SH3D19: variants seen among roughly 807,000 people sequenced by gnomAD.
The protein encoded by SH3D19 is SH3 domain-containing protein 19.
A neutral mutation model predicts 112.1 loss-of-function variants in SH3D19; 58 were observed. The ratio of observed to expected loss-of-function variants is 0.52; its 90% CI spans 0.42 to 0.64. The LOEUF (loss-of-function observed/expected upper bound fraction) is 0.64. Ranked by LOEUF, SH3D19 falls within the 30% of genes least tolerant of loss-of-function variation. The pLI is 0.00. For synonymous variants in SH3D19, 391 were observed against 448.5 expected (o/e 0.87, Z 1.62); for missense variants, 1,090 against 1,263.4 (o/e 0.86, Z 2.08).
At chr4:151,127,004 G>A (rs573070467) in intron 19 of SH3D19, among the ~76,000 whole-genome samples, 49 of 151,294 alleles carry the variant, frequency 3.2e-4, no homozygotes, top group African/African-American at 1.2e-3. Context: ...CCACCTCCCG[G>A]GTTCATGCCA....
intron 9 of SH3D19, among the ~76,000 whole-genome samples, chr4:151,150,206 A>AAAAAAATAT (rs1273707426): frequency 9.1e-4 from 42 of 46,142 alleles, no homozygotes; most frequent in Non-Finnish European, 1.1e-3. Context: ...AAAAAAAAAA[A>AAAAAAATAT]ATATATATAT....
rs531866009 is a variant in SH3D19, at chr4:151,174,693, G to T, written c.1511C>A (p.Ser504Tyr). 1 of 1,514,054 alleles carries T rather than the reference G, an allele frequency of 6.6e-7. No homozygotes were observed. Among genetic ancestry groups the T allele is most frequent in the South Asian group, 1.4e-5 (1 of 73,542 alleles). The allele number at this position is 1,514,054 out of a possible 1,614,324, so 93.8% of individuals were successfully genotyped here. A position where few individuals can be genotyped will look rare whatever the true frequency, so the allele number is the denominator to read the frequency against. Residue 504 changes from serine to tyrosine, a missense_variant, in exon 7 of 20, where the codon TCT becomes TAT. By Grantham distance (144) the Ser-to-Tyr change is moderately radical. Coordinates refer to ENST00000604030, the MANE Select transcript of SH3D19 (RefSeq NM_001378122.1). The stretch of plus-strand genomic sequence containing the variant: ...ACCTAGAACCATCTCTGAACCAACA[G>T]ATTCTTCAGCCAGGTTCCCCGATGG... ...PTPSGNLAEE[S>Y]VGSEMVLDPF...
intron 19 of SH3D19, among the ~76,000 whole-genome samples, chr4:151,123,343 A>G (rs971148061): frequency 4.6e-5 from 7 of 152,090 alleles, no homozygotes; most frequent in African/African-American, 1.7e-4. Flanking sequence ...TTTTACTTAG[A>G]AAGGCTTTTA....
chr4:151,182,555 C>A (rs1761123072), intron 3 of SH3D19, among the ~76,000 whole-genome samples: 1 of 152,202 alleles, frequency 6.6e-6, no homozygotes, highest in Non-Finnish European at 1.5e-5. Context: ...AGATGTCCTT[C>A]TGCACAACCT....
intron 17 of SH3D19, among the ~76,000 whole-genome samples, chr4:151,130,817 G>A (rs1750510963): frequency 6.6e-6 from 1 of 151,996 alleles, no homozygotes; most frequent in Non-Finnish European, 1.5e-5. Context: ...GCAGGCACCT[G>A]TAAACCCAGC....
At chr4:151,127,992 C>T (rs1561190837) in intron 18 of SH3D19, among the ~76,000 whole-genome samples, 178 bp downstream of exon 18, 1 of 152,102 alleles carries the variant, frequency 6.6e-6, no homozygotes, top group African/African-American at 2.4e-5. Flanking sequence ...AAGACATTAT[C>T]TTTTTTTTCT....
intron 3 of SH3D19, among the ~76,000 whole-genome samples, chr4:151,184,529 A>G (rs1163772360): frequency 1.3e-5 from 2 of 152,148 alleles, no homozygotes; most frequent in Non-Finnish European, 2.9e-5. Flanking sequence ...TGAGTTAAAA[A>G]CCAAAAAAAC....
chr4:151,286,418 C>T (rs570326479), intron 1 of SH3D19, among the ~76,000 whole-genome samples: 14 of 150,460 alleles, frequency 9.3e-5, no homozygotes, highest in African/African-American at 3.4e-4. Context: ...ACATTACTAC[C>T]AACCTTACAG....
At chr4:151,247,305 G>A (rs548490138) in intron 1 of SH3D19, among the ~76,000 whole-genome samples, 1 of 152,254 alleles carries the variant, frequency 6.6e-6, no homozygotes, top group South Asian at 2.1e-4. Context: ...TTCTAGAACA[G>A]TTAAAATAGC....
intron 1 of SH3D19, chr4:151,291,381 T>C (rs773560623): frequency 5.1e-5 from 83 of 1,613,926 alleles, no homozygotes; most frequent in Non-Finnish European, 6.9e-5. Context: ...GAGTAGGCAC[T>C]GTAGCTGAAG....
chr4:151,250,437 T>C (rs1771275504), intron 1 of SH3D19, among the ~76,000 whole-genome samples: 1 of 152,142 alleles, frequency 6.6e-6, no homozygotes, highest in Non-Finnish European at 1.5e-5. Flanking sequence ...TATATATGTG[T>C]GTGTATATAT....
At chr4:151,167,801 G>A (rs528577636) in intron 7 of SH3D19, among the ~76,000 whole-genome samples, 5 of 151,436 alleles carry the variant, frequency 3.3e-5, no homozygotes, top group Non-Finnish European at 7.4e-5. Flanking sequence ...GCCTCTGCCT[G>A]GCTGCCGCCC....
intron 2 of SH3D19, among the ~76,000 whole-genome samples, chr4:151,201,784 G>T (rs1764422531): frequency 3.9e-5 from 6 of 152,146 alleles, no homozygotes; most frequent in Admixed American, 1.3e-4. Flanking sequence ...GCCGAGGCGG[G>T]TGGATCACCT....
At chr4:151,284,450 T>C (rs1263852278) in intron 1 of SH3D19, among the ~76,000 whole-genome samples, 3 of 152,208 alleles carry the variant, frequency 2.0e-5, no homozygotes, top group African/African-American at 7.2e-5. Context: ...ACTTTCTACA[T>C]CTCTGCCAAG....
chr4:151,273,589 CAAAAAAAAAAA>C (rs60600816), intron 1 of SH3D19, among the ~76,000 whole-genome samples: 19 of 64,642 alleles, frequency 2.9e-4, no homozygotes, highest in South Asian at 1.1e-3. Flanking sequence ...GACTCCATCT[CAAAAAAAAAAA>C]AAAAAAAAAA....
chr4:151,304,118 C>G (rs1297805248), intron 1 of SH3D19, among the ~76,000 whole-genome samples: 2 of 152,010 alleles, frequency 1.3e-5, no homozygotes, highest in Non-Finnish European at 1.5e-5. Flanking sequence ...CAACCCAGCT[C>G]TGATTATCTT....
chr4:151,273,363 G>C (rs1394949048), intron 1 of SH3D19, among the ~76,000 whole-genome samples: 1 of 152,056 alleles, frequency 6.6e-6, no homozygotes, highest in East Asian at 1.9e-4. Flanking sequence ...GGCCGAGGCG[G>C]GTGGATCACG....
chr4:151,280,808 T>A (rs997296075), intron 1 of SH3D19, among the ~76,000 whole-genome samples: 3 of 150,652 alleles, frequency 2.0e-5, no homozygotes, highest in Non-Finnish European at 4.4e-5. Flanking sequence ...AAATTAAGTT[T>A]AAAAAAAAAC....
At chr4:151,285,742 C>T (rs1774685354) in intron 1 of SH3D19, among the ~76,000 whole-genome samples, 1 of 151,940 alleles carries the variant, frequency 6.6e-6, no homozygotes, top group Non-Finnish European at 1.5e-5. Context: ...GTGCACAAGC[C>T]TGTAGTCCCA....
Sources: allele counts gnomAD v4.1 joint callset (sites outside exome capture counted in the v4.1 genomes callset), GRCh38; gene constraint gnomAD v4.1.1; transcripts MANE v1.5; gene names NCBI Gene and HGNC (gene_info 2026-07-23, HGNC 2026-07-21).